Variants in ADAMTSL1 observed in about 807,000 individuals in gnomAD.
ADAMTSL1 encodes ADAMTS like 1, also known as ADAMTS-like protein 1.
Under a neutral mutation model 201.8 loss-of-function variants are expected in ADAMTSL1, and 126 were observed. That is an observed-to-expected ratio of 0.62 (90% CI 0.54 to 0.72). The LOEUF (loss-of-function observed/expected upper bound fraction) is 0.72, where lower values mean the gene tolerates loss of function less well. Ranked by LOEUF, ADAMTSL1 falls within the 30% of genes least tolerant of loss-of-function variation. ADAMTSL1 has a pLI of 0.00. For missense variants in ADAMTSL1, 2,679 were observed against 2,277.8 expected (o/e 1.18, Z -3.59); for synonymous variants, 1,121 against 903.4 (o/e 1.24, Z -4.32).
chr9:18,539,340 A>G (rs928116069), intron 3 of ADAMTSL1, among the ~76,000 whole-genome samples: 26 of 152,162 alleles, frequency 1.7e-4, no homozygotes, highest in African/African-American at 6.0e-4. Flanking sequence ...ACAAAACTAA[A>G]TAAAGTATGA....
intron 3 of ADAMTSL1, among the ~76,000 whole-genome samples, chr9:18,547,495 T>C (rs1820536732): frequency 6.6e-6 from 1 of 151,828 alleles, no homozygotes; most frequent in Admixed American, 6.6e-5. Context: ...AAAGCAAAGA[T>C]TGGCAGTAGC....
intron 3 of ADAMTSL1, among the ~76,000 whole-genome samples, chr9:18,573,650 T>A (rs2132356664): frequency 6.6e-6 from 1 of 152,276 alleles, no homozygotes. Flanking sequence ...GACAAATAAT[T>A]TCAACTAATC....
intron 1 of ADAMTSL1, among the ~76,000 whole-genome samples, chr9:17,950,273 CAG>C (rs1162827247): frequency 6.6e-6 from 1 of 152,040 alleles, no homozygotes; most frequent in Non-Finnish European, 1.5e-5. Context: ...AACCATAGTA[CAG>C]TATTTTACAG....
At chr9:18,801,395 G>C (rs1364895020) in intron 20 of ADAMTSL1, among the ~76,000 whole-genome samples, 1 of 151,964 alleles carries the variant, frequency 6.6e-6, no homozygotes, top group Non-Finnish European at 1.5e-5. Flanking sequence ...GAACTTTTAG[G>C]TTCAGGGGTT....
chr9:18,649,096 C>G (rs1207065477), intron 7 of ADAMTSL1, among the ~76,000 whole-genome samples: 6 of 152,222 alleles, frequency 3.9e-5, no homozygotes, highest in African/African-American at 9.6e-5. Flanking sequence ...TCTTTTTATT[C>G]TTTTTTCTCT....
chr9:18,857,847 A>G (rs1472759644), intron 23 of ADAMTSL1, among the ~76,000 whole-genome samples: 3 of 152,208 alleles, frequency 2.0e-5, no homozygotes, highest in Non-Finnish European at 2.9e-5. Context: ...GATGCAGCCA[A>G]TGTGACTTTA....
rs1554650791 is a variant in ADAMTSL1, at chr9:18,289,172, T to TCTATCTATCTATCTATCTAC, written c.207+125194_207+125195insTCTATCTATCTATCTACCTA. Among the ~76,000 whole-genome samples, 555 of 138,176 alleles carry TCTATCTATCTATCTATCTAC rather than the reference T, an allele frequency of 4.0e-3. 2 individuals are homozygous for TCTATCTATCTATCTATCTAC. Among genetic ancestry groups the TCTATCTATCTATCTATCTAC allele is most frequent in the South Asian group, 6.3e-3 (28 of 4,466 alleles). 90.6% of individuals were successfully genotyped at this position (138,176 alleles called of 152,430 possible). ...ATCTATCTATCTATCTATCTATCTA[T>TCTATCTATCTATCTATCTAC]CTACCTACCTATCTATCTATAGAGA... is the stretch of plus-strand genomic sequence containing the variant. On this transcript the variant is annotated intron_variant, in intron 2 of 29. Coordinates refer to the ADAMTSL1 transcript ENST00000680146.
At chr9:18,601,548 A>G (rs1193306511) in intron 4 of ADAMTSL1, among the ~76,000 whole-genome samples, 1 of 152,210 alleles carries the variant, frequency 6.6e-6, no homozygotes, top group Non-Finnish European at 1.5e-5. Flanking sequence ...CAGGGGATGG[A>G]GTGACTAACA....
intron 15 of ADAMTSL1, among the ~76,000 whole-genome samples, chr9:18,729,321 T>C (rs1180266006): frequency 1.3e-5 from 2 of 152,140 alleles, no homozygotes; most frequent in Non-Finnish European, 1.5e-5. Flanking sequence ...ACAATTCTAA[T>C]CAGAAAAATA....
chr9:18,103,666 T>C (rs575112904), intron 1 of ADAMTSL1, among the ~76,000 whole-genome samples: 1 of 152,320 alleles, frequency 6.6e-6, no homozygotes, highest in Admixed American at 6.5e-5. Context: ...CTTATAGTAT[T>C]TGAGTGCCTG....
intron 2 of ADAMTSL1, among the ~76,000 whole-genome samples, chr9:18,198,919 C>G (rs1247759449): frequency 7.1e-6 from 1 of 141,610 alleles, no homozygotes; most frequent in Middle Eastern, 3.3e-3. Context: ...CCATGGAATA[C>G]TATGCAGCCA....
chr9:17,923,560 T>C (rs1826394532), intron 1 of ADAMTSL1, among the ~76,000 whole-genome samples: 1 of 151,206 alleles, frequency 6.6e-6, no homozygotes, highest in South Asian at 2.1e-4. Context: ...TACAATCATG[T>C]CGTCTGCAAA....
At chr9:18,343,133 C>T (rs939500699) in intron 2 of ADAMTSL1, among the ~76,000 whole-genome samples, 2 of 151,964 alleles carry the variant, frequency 1.3e-5, no homozygotes, top group African/African-American at 2.4e-5. Context: ...TTAGACCAAC[C>T]ATGGCAACAT....
chr9:18,204,312 T>C (rs1829562572), intron 2 of ADAMTSL1, among the ~76,000 whole-genome samples: 1 of 151,864 alleles, frequency 6.6e-6, no homozygotes, highest in African/African-American at 2.4e-5. Flanking sequence ...AATCTGATGG[T>C]TATATAGGTG....
intron 17 of ADAMTSL1, among the ~76,000 whole-genome samples, chr9:18,773,645 A>G (rs914703690): frequency 1.3e-5 from 2 of 152,182 alleles, no homozygotes; most frequent in African/African-American, 4.8e-5. Flanking sequence ...TCCTCAACAT[A>G]GTTATGGAAC....
chr9:18,171,521 G>A (rs1314634812), intron 2 of ADAMTSL1, among the ~76,000 whole-genome samples: 1 of 152,060 alleles, frequency 6.6e-6, no homozygotes, highest in African/African-American at 2.4e-5. Flanking sequence ...TCTTTGCAAT[G>A]TACATAACTG....
chr9:18,263,229 T>A (rs7860810), intron 2 of ADAMTSL1, among the ~76,000 whole-genome samples: 16 of 152,212 alleles, frequency 1.1e-4, no homozygotes, highest in African/African-American at 2.9e-4. Flanking sequence ...GGAGCAATGA[T>A]GTATTTAGTG....
chr9:18,074,088 A>G (rs1363592592), intron 1 of ADAMTSL1, among the ~76,000 whole-genome samples: 1 of 151,520 alleles, frequency 6.6e-6, no homozygotes, highest in African/African-American at 2.4e-5. Context: ...GCATCTAAGA[A>G]CTCCTTACGC....
intron 20 of ADAMTSL1, among the ~76,000 whole-genome samples, chr9:18,813,868 A>C (rs893986084): frequency 6.6e-6 from 1 of 152,220 alleles, no homozygotes; most frequent in Non-Finnish European, 1.5e-5. Context: ...AGTGGTGAAC[A>C]TGGATATTCT....
Sources: allele counts gnomAD v4.1 joint callset (sites outside exome capture counted in the v4.1 genomes callset), GRCh38; gene constraint gnomAD v4.1.1; transcripts MANE v1.5; gene names NCBI Gene and HGNC (gene_info 2026-07-23, HGNC 2026-07-21).